The following TRMT44 variants were observed in gnomAD, a reference collection of about 807,000 sequenced individuals.
TRMT44 encodes probable tRNA (uracil-O(2)-)-methyltransferase.
TRMT44 carries 78 observed loss-of-function variants against 77.3 expected under a neutral mutation model. The observed-to-expected ratio is 1.01, with a 90% CI of 0.84 to 1.22. The LOEUF is 1.22. Ranked by LOEUF, TRMT44 falls within the 50% of genes most tolerant of loss-of-function variation. The pLI is 0.00. For synonymous variants in TRMT44, 391 were observed against 383.3 expected, an observed-to-expected ratio of 1.02 and a Z score of -0.23; for missense variants, 1,090 against 964.4, an observed-to-expected ratio of 1.13 and a Z score of -1.73.
chr4:8,458,459 C>CTTTTTTTTTTTTTT (rs1156752172), intron 6 of TRMT44, among the ~76,000 whole-genome samples: 8 of 142,730 alleles, frequency 5.6e-5, no homozygotes, highest in African/African-American at 2.1e-4. Flanking sequence ...ATTTTCTTTT[C>CTTTTTTTTTTTTTT]TTTTCTTTTT....
At chr4:8,464,334 C>T (rs1007035223) in intron 7 of TRMT44, among the ~76,000 whole-genome samples, 1 of 152,192 alleles carries the variant, frequency 6.6e-6, no homozygotes, top group African/African-American at 2.4e-5. Flanking sequence ...AGATTGTTCA[C>T]ATTATATCTC....
chr4:8,509,856 T>G, the TRMT44 span: 2 of 152,374 alleles, frequency 1.3e-5, no homozygotes, highest in East Asian at 3.9e-4. Flanking sequence ...GCCATCTGGA[T>G]GTCAGACGCG....
At chr4:8,490,185 C>G (rs1179572745) in intron 2 of TRMT44, among the ~76,000 whole-genome samples, 1 of 152,152 alleles carries the variant, frequency 6.6e-6, no homozygotes, top group African/African-American at 2.4e-5. Context: ...TTCCCCGAAA[C>G]TGCCTTTGAA....
chr4:8,462,066 C>A (rs1052365549), intron 6 of TRMT44, among the ~76,000 whole-genome samples: 1 of 152,166 alleles, frequency 6.6e-6, no homozygotes, highest in Admixed American at 6.5e-5. Context: ...TTGTGTGAAC[C>A]TGTATATGAA....
downstream of TRMT44, among the ~76,000 whole-genome samples, chr4:8,495,992 C>T (rs139798594): frequency 1.2e-4 from 19 of 152,264 alleles, no homozygotes; most frequent in East Asian, 5.8e-4. Context: ...GGCCACAGGC[C>T]GCTACTTCAT....
rs528355880 is a variant in TRMT44, at chr4:8,460,865, T to G, written c.1204-3120T>G. Among the ~76,000 whole-genome samples, 39 of 152,044 alleles carry G rather than the reference T, an allele frequency of 2.6e-4. No homozygotes were observed. The East Asian group carries it at 6.4e-3, about 25-fold the overall frequency. ...CACACGCAGCCCCCCTTTTATTTTT[T>G]TGGAGACAGGGTCTCAATCTGTTGC... On this transcript the variant is annotated intron_variant, in intron 6 of 10. Coordinates refer to ENST00000389737, the MANE Select transcript of TRMT44 (RefSeq NM_152544.3).
At position 8,475,813 on chromosome 4, in the gene TRMT44, A is replaced by G. The variant is rs762530826; in HGVS notation, c.2086A>G (p.Thr696Ala). ...TCACATCCGCGACTGGCGAGAGGAG[A>G]CACTGTGGAAGACAAAGCAACCGGA... ...RVHIRDWREETLWKTKQPEAK... is the reference protein window; with the variant it reads ...RVHIRDWREEALWKTKQPEAK... Residue 696 changes from threonine to alanine, a missense_variant, in exon 11 of 11, where the codon ACA becomes GCA. By Grantham distance (58) the Thr-to-Ala change is moderately conservative. Coordinates refer to ENST00000389737, the MANE Select transcript of TRMT44 (RefSeq NM_152544.3). The G allele has an allele frequency of 9.3e-6, 15 of 1,614,000 alleles. No individual in the cohort carries two copies. In the South Asian group the frequency reaches 1.4e-4, roughly 15 times the overall value.
In TRMT44 at chr4:8,451,488, T is replaced by G. The variant is rs116007650; in HGVS notation, c.955-472T>G. 3.8e-3 allele frequency among the ~76,000 whole-genome samples: 585 copies of G among 152,334 alleles called. 4 individuals are homozygous for G. Among genetic ancestry groups the G allele is most frequent in the African/African-American group, 0.014 (566 of 41,580 alleles). On this transcript the variant is annotated intron_variant, in intron 3 of 10. Transcript: ENST00000389737. The surrounding 1 kb of genome is among the most constrained non-coding windows in gnomAD (Gnocchi z 4.1). ...AGTTTTCAGAGCACCTTGATTATCC[T>G]GTGTGTTAGTTGAGGCATGGCTTTA...
chr4:8,468,279 G>T lies in TRMT44; in HGVS notation c.1860G>T (p.Leu620=), dbSNP rs778169302. 6.2e-7 allele frequency: 1 copy of T among 1,614,136 alleles called. No homozygotes were observed. The highest frequency in any genetic ancestry group is 8.5e-7 in the Non-Finnish European group (1 of 1,180,052). The change falls in exon 9 of 11, where the codon CTG becomes CTT. Residue 620 remains leucine, a synonymous_variant. Coordinates refer to ENST00000389737, the MANE Select transcript of TRMT44 (RefSeq NM_152544.3). Reference sequence around the variant, plus strand: ...TGGTTTTGCAAGTAGCGAATTTACTGTTAGGTGGAAAGCAATTAAACACAA... The same window carrying T: ...TGGTTTTGCAAGTAGCGAATTTACTTTTAGGTGGAAAGCAATTAAACACAA... ...DQVVLQVANL[L]LGGKQLNTRS...
At chr4:8,483,163 A>C (rs552967224) in intron 2 of TRMT44, among the ~76,000 whole-genome samples, 4,080 of 152,308 alleles carry the variant, frequency 0.027, 183 homozygotes, top group African/African-American at 0.092. Context: ...AAGGTCTAAG[A>C]ATTGGGAGGA....
chr4:8,504,343 C>T, the TRMT44 span, among the ~76,000 whole-genome samples: 5 of 152,174 alleles, frequency 3.3e-5, no homozygotes, highest in Admixed American at 6.5e-5. The surrounding 1 kb of genome is among the most constrained non-coding windows in gnomAD (Gnocchi z 5.3). Flanking sequence ...CTCCCTTCCC[C>T]GCCAGGTACC....
At chr4:8,463,953 A>G (rs749852160) in intron 6 of TRMT44, 32 bp from the exon 7 acceptor site, 9 of 1,590,550 alleles carry the variant, frequency 5.7e-6, no homozygotes, top group Middle Eastern at 1.7e-4. Context: ...ATGATTCACA[A>G]AACATTTCGT....
chr4:8,472,954 G>A (rs1727121533), intron 10 of TRMT44, among the ~76,000 whole-genome samples: 1 of 152,190 alleles, frequency 6.6e-6, no homozygotes, highest in Non-Finnish European at 1.5e-5. Flanking sequence ...GAGTCTGCTT[G>A]TATGTCAGTG....
rs1182848786 is a variant in TRMT44, at chr4:8,465,451, C to T, written c.1384C>T (p.Gln462Ter). Residue 462 changes from glutamine to a stop codon, truncating the protein, a stop_gained, in exon 8 of 11, where the codon CAG becomes TAG. Transcript: ENST00000389737. LOFTEE classifies it high-confidence loss of function. ...CTTCATTGGAAGATACTCCCGGAGG[C>T]AGAGTAAGAAGACTCAGTACCGGGA... The part of the protein sequence containing the change: ...FDFIGRYSRR[Q>*]SKKTQYREYL... 8.7e-6 allele frequency: 14 copies of T among 1,614,142 alleles called. No homozygotes were observed. Among genetic ancestry groups the T allele is most frequent in the Non-Finnish European group, 1.1e-5 (13 of 1,180,012 alleles).
chr4:8,449,766 T>C lies in TRMT44; in HGVS notation c.832T>C (p.Leu278=). Residue 278 remains leucine, a synonymous_variant, in exon 3 of 11, where the codon TTG becomes CTG. Coordinates refer to ENST00000389737, the MANE Select transcript of TRMT44 (RefSeq NM_152544.3). Reference sequence around the variant, plus strand: ...GCTTGGAGAAGAGTTGCTGGCCAAGTTGGCCAAGTGGTCTGTAGAGAACAA... The same window carrying C: ...GCTTGGAGAAGAGTTGCTGGCCAAGCTGGCCAAGTGGTCTGTAGAGAACAA... ...TWLGEELLAK[L]AKWSVENKKS... is the part of the protein sequence containing the mutation. 1 of 1,536,042 alleles carries C rather than the reference T, an allele frequency of 6.5e-7. No homozygotes were observed. Among genetic ancestry groups the C allele is most frequent in the Non-Finnish European group, 8.7e-7 (1 of 1,146,896 alleles).
the TRMT44 span, among the ~76,000 whole-genome samples, chr4:8,505,557 G>A: frequency 1.3e-5 from 2 of 152,340 alleles, no homozygotes; most frequent in Admixed American, 6.5e-5. Context: ...GGGAAGGGGA[G>A]CAGCAAATGT....
At chr4:8,443,168 A>T (rs540991118) in intron 1 of TRMT44, among the ~76,000 whole-genome samples, 12 of 152,278 alleles carry the variant, frequency 7.9e-5, no homozygotes, top group African/African-American at 2.9e-4. Context: ...CTGCCAGTCC[A>T]GTCTAGTTTA....
the TRMT44 span, among the ~76,000 whole-genome samples, chr4:8,501,867 A>G: frequency 3.4e-3 from 521 of 152,282 alleles, 3 homozygotes; most frequent in African/African-American, 0.012. The surrounding 1 kb of genome is among the most constrained non-coding windows in gnomAD (Gnocchi z 4.4). Context: ...GCTGCCTGGA[A>G]GGTTCCAGAA....
chr4:8,492,083 T>C (rs1043537963), intron 2 of TRMT44, among the ~76,000 whole-genome samples: 2 of 152,234 alleles, frequency 1.3e-5, no homozygotes, highest in Non-Finnish European at 2.9e-5. Flanking sequence ...CTTGGGCAGA[T>C]ACAAAAGTTC....
Sources: allele counts gnomAD v4.1 joint callset (sites outside exome capture counted in the v4.1 genomes callset), GRCh38; gene constraint gnomAD v4.1.1; non-coding constraint Gnocchi (gnomAD v3.1); transcripts MANE v1.5; gene names NCBI Gene and HGNC (gene_info 2026-07-23, HGNC 2026-07-21).